The following PTCD2 variants were observed in gnomAD, a reference collection of about 807,000 sequenced individuals.
PTCD2 encodes the protein pentatricopeptide repeat domain 2.
In PTCD2, 31 loss-of-function variants were observed where a neutral mutation model predicts 42.6. That is an observed-to-expected ratio of 0.73 (90% CI 0.55 to 0.98). The LOEUF (loss-of-function observed/expected upper bound fraction) is 0.98, where lower values mean the gene tolerates loss of function less well. Among genes scored for constraint, PTCD2 ranks in the 50% least tolerant of loss-of-function variants. The pLI, the probability that PTCD2 is intolerant of heterozygous loss-of-function variation, is 0.00. For synonymous variants in PTCD2, 183 were observed against 170.9 expected, an observed-to-expected ratio of 1.07 and a Z score of -0.55; for missense variants, 476 against 454.8, an observed-to-expected ratio of 1.05 and a Z score of -0.42.
At chr5:72,323,139 G>T (rs1362315182) in intron 2 of PTCD2, among the ~76,000 whole-genome samples, 2 of 152,030 alleles carry the variant, frequency 1.3e-5, no homozygotes, top group East Asian at 3.8e-4. Flanking sequence ...AACAGAGTGA[G>T]ACCCTGTCTC....
rs16877660 is a variant in PTCD2 at position 72,332,361 on chromosome 5, T to A, written c.468+986T>A. On this transcript the variant is annotated intron_variant, in intron 4 of 9. Coordinates refer to ENST00000380639, the MANE Select transcript of PTCD2 (RefSeq NM_024754.5). The stretch of plus-strand genomic sequence containing the variant: ...TTTCGGAACAGTACAGATAGTTTGA[T>A]CCTGTTTTTTTTTGTTCCATAAGAA... Among the ~76,000 whole-genome samples the A allele has an allele frequency of 2.6e-4, 39 of 152,302 alleles. 1 individual carries two copies. The East Asian group carries it at 6.9e-3, about 27-fold the overall frequency.
In PTCD2 at chr5:72,364,235, G is replaced by A. The variant is rs1277230260; in HGVS notation, c.*5808G>A. 8 of 152,234 alleles carry A rather than the reference G, an allele frequency of 5.3e-5. No individual in the cohort carries two copies. Among genetic ancestry groups the A allele is most frequent in the Admixed American group, 4.6e-4 (7 of 15,284 alleles). 9.4% of individuals were successfully genotyped at this position (152,234 alleles called of 1,614,324 possible). A position where few individuals can be genotyped will look rare whatever the true frequency, so the allele number is the denominator to read the frequency against. ...ATTCAATAACATGGAGTCAAAACAAGAAGATTTTTTAAATGTCCTCTGTTC... is the reference window on the plus strand; with the variant it reads ...ATTCAATAACATGGAGTCAAAACAAAAAGATTTTTTAAATGTCCTCTGTTC... On this transcript the variant is annotated 3_prime_UTR_variant, in exon 10 of 10. Transcript: ENST00000380639.
In PTCD2 at chr5:72,364,098, T is replaced by C. The variant is rs958418312; in HGVS notation, c.*5671T>C. The C allele has an allele frequency of 1.3e-5, 2 of 152,266 alleles. No homozygotes were observed. The highest frequency in any genetic ancestry group is 4.8e-5 in the African/African-American group (2 of 41,472). 9.4% of individuals were successfully genotyped at this position (152,266 alleles called of 1,614,324 possible). On this transcript the variant is annotated 3_prime_UTR_variant, in exon 10 of 10. Transcript: ENST00000380639. ...ATTTTTTAAAAGGAAGTGGTTCAAC[T>C]GTATTGCATAGAAAATGAATCAAGG...
rs1419662732 is a variant in PTCD2, at chr5:72,363,132, G to T, written c.*4705G>T. On this transcript the variant is annotated 3_prime_UTR_variant, in exon 10 of 10. Coordinates refer to ENST00000380639, the MANE Select transcript of PTCD2 (RefSeq NM_024754.5). ...TATACTGAAAACAGGAGTCATGGGA[G>T]ACTTGATCTTGCTTAAAGGATATTT... 6.6e-6 allele frequency: 1 copy of T among 152,234 alleles called. No homozygotes were observed. Among genetic ancestry groups the T allele is most frequent in the African/African-American group, 2.4e-5 (1 of 41,460 alleles). 9.4% of individuals were successfully genotyped at this position (152,234 alleles called of 1,614,324 possible).
rs1300324728 is a variant in PTCD2, at chr5:72,366,576, AC to A, written c.*8150del. The A allele has an allele frequency of 2.6e-5, 4 of 152,228 alleles. No homozygotes were observed. Among genetic ancestry groups the A allele is most frequent in the African/African-American group, 9.7e-5 (4 of 41,448 alleles). 9.4% of individuals were successfully genotyped at this position (152,228 alleles called of 1,614,324 possible). A position where few individuals can be genotyped will look rare whatever the true frequency, so the allele number is the denominator to read the frequency against. On this transcript the variant is annotated 3_prime_UTR_variant, in exon 10 of 10. Transcript: ENST00000380639. Reference sequence around the variant, plus strand: ...TAGACGGCAGAGGGCGTCCAGAGTCACTATTTTTAAAAGGTGCTAGTTTTCA... The same window carrying A: ...TAGACGGCAGAGGGCGTCCAGAGTCATATTTTTAAAAGGTGCTAGTTTTCA...
chr5:72,334,947 GA>G (rs1349354412), intron 4 of PTCD2, 70 bp from the exon 5 acceptor site: 1 of 890,684 alleles, frequency 1.1e-6, no homozygotes, highest in African/African-American at 1.7e-5. Context: ...GGCTAGATAA[GA>G]GACAGTAAAA....
At chr5:72,334,448 G>A (rs946760013) in intron 4 of PTCD2, among the ~76,000 whole-genome samples, 28 of 152,148 alleles carry the variant, frequency 1.8e-4, no homozygotes, top group Admixed American at 5.9e-4. Context: ...ACAAATGACG[G>A]TTCCTTAAAG....
At chr5:72,351,196 C>G (rs913445165) in intron 8 of PTCD2, among the ~76,000 whole-genome samples, 1 of 152,120 alleles carries the variant, frequency 6.6e-6, no homozygotes, top group Non-Finnish European at 1.5e-5. Flanking sequence ...TAAACTTCTT[C>G]TTGAATTATA....
intron 9 of PTCD2, among the ~76,000 whole-genome samples, chr5:72,353,237 A>C (rs1355421467): frequency 1.3e-5 from 2 of 152,196 alleles, no homozygotes; most frequent in African/African-American, 4.8e-5. Flanking sequence ...TCAGTCATGC[A>C]CTGGATCCCA....
chr5:72,336,594 C>G lies in PTCD2; in HGVS notation c.639+709C>G, dbSNP rs1404857143. Among the ~76,000 whole-genome samples, 8 of 151,746 alleles carry G rather than the reference C, an allele frequency of 5.3e-5. No individual in the cohort carries two copies. The East Asian group carries it at 1.6e-3, about 29-fold the overall frequency. On this transcript the variant is annotated intron_variant, in intron 6 of 9. Coordinates refer to ENST00000380639, the MANE Select transcript of PTCD2 (RefSeq NM_024754.5). Reference sequence around the variant, plus strand: ...GCGTGGTGGCATGCACCTTGTAATCCCAGCTACTCTGGAGGCTGAGGCAGG... The same window carrying G: ...GCGTGGTGGCATGCACCTTGTAATCGCAGCTACTCTGGAGGCTGAGGCAGG...
At chr5:72,341,566 C>T (rs896876948) in intron 7 of PTCD2, among the ~76,000 whole-genome samples, 1 of 151,670 alleles carries the variant, frequency 6.6e-6, no homozygotes, top group Admixed American at 6.6e-5. Context: ...GACCCTGTCT[C>T]TACAAAAAAT....
intron 2 of PTCD2, among the ~76,000 whole-genome samples, chr5:72,324,513 C>T (rs1409854992): frequency 6.6e-6 from 1 of 152,138 alleles, no homozygotes; most frequent in Non-Finnish European, 1.5e-5. Context: ...CCTAGAATAT[C>T]CCCCTCCTCC....
At position 72,320,532 on chromosome 5, in the gene PTCD2, G is replaced by GA. The variant is rs1436338024; in HGVS notation, c.127+25dup. The GA allele has an allele frequency of 1.9e-6, 3 of 1,612,956 alleles. No individual in the cohort carries two copies. The Admixed American group carries it at 5.0e-5, about 27-fold the overall frequency. ...GAGGTATCCGCGGCTTTAGCCTAGG[G>GA]AAGGAGGGGAGGGATGGGAGAGAAG... On this transcript the variant is annotated intron_variant, in intron 1 of 9. Transcript: ENST00000380639.
rs1315115938 is a variant in PTCD2 at position 72,367,348 on chromosome 5, C to G, written c.*8921C>G. The G allele has an allele frequency of 6.6e-6, 1 of 152,188 alleles. No homozygotes were observed. The highest frequency in any genetic ancestry group is 1.5e-5 in the Non-Finnish European group (1 of 68,044). 9.4% of individuals were successfully genotyped at this position (152,188 alleles called of 1,614,324 possible). ...TCAGGAGGAAGAAAGGACAGATGCC[C>G]TTGTTCAAGATGACTTCTTCATGGG... On this transcript the variant is annotated 3_prime_UTR_variant, in exon 10 of 10. Transcript: ENST00000380639.
intron 6 of PTCD2, among the ~76,000 whole-genome samples, chr5:72,336,710 CAA>C (rs57573366): frequency 1.7e-3 from 145 of 86,550 alleles, no homozygotes; most frequent in South Asian, 1.6e-3. Flanking sequence ...GACTCTGTCT[CAA>C]AAAAAAAAAA....
rs1010668960 is a variant in PTCD2, at chr5:72,366,401, A to G, written c.*7974A>G. Reference sequence around the variant, plus strand: ...ACACTAGAGAGCGGGAGAGCACAGTATTTGAACCCAGGAGGTCTGATGCTG... The same window carrying G: ...ACACTAGAGAGCGGGAGAGCACAGTGTTTGAACCCAGGAGGTCTGATGCTG... On this transcript the variant is annotated 3_prime_UTR_variant, in exon 10 of 10. Coordinates refer to ENST00000380639, the MANE Select transcript of PTCD2 (RefSeq NM_024754.5). The G allele has an allele frequency of 6.6e-6, 1 of 152,138 alleles. No homozygotes were observed. The highest frequency in any genetic ancestry group is 1.5e-5 in the Non-Finnish European group (1 of 68,030). The allele number at this position is 152,138 out of a possible 1,614,324, so 9.4% of individuals were successfully genotyped here.
chr5:72,323,681 G>A (rs758703150), intron 2 of PTCD2, among the ~76,000 whole-genome samples: 9 of 152,022 alleles, frequency 5.9e-5, no homozygotes, highest in Non-Finnish European at 1.2e-4. Flanking sequence ...AGACAGTCTC[G>A]CTCTGTCACC....
Position 72,362,706 on chromosome 5 carries a change from TATCTATTTTGAGA to T in PTCD2, c.*4285_*4297del, listed in dbSNP as rs1260930821. ...TCAAGGATTCTCCATTAATTCACCA[TATCTATTTTGAGA>T]ATCTACAAAGGACAAGGCACTACGA... is the stretch of plus-strand genomic sequence containing the variant. On this transcript the variant is annotated 3_prime_UTR_variant, in exon 10 of 10. Transcript: ENST00000380639. 5 of 152,222 alleles carry T rather than the reference TATCTATTTTGAGA, an allele frequency of 3.3e-5. No individual in the cohort carries two copies. Among genetic ancestry groups the T allele is most frequent in the African/African-American group, 1.2e-4 (5 of 41,462 alleles). 9.4% of individuals were successfully genotyped at this position (152,222 alleles called of 1,614,324 possible). A position where few individuals can be genotyped will look rare whatever the true frequency, so the allele number is the denominator to read the frequency against.
At chr5:72,350,429 T>C (rs1405058547) in intron 8 of PTCD2, among the ~76,000 whole-genome samples, 2 of 152,214 alleles carry the variant, frequency 1.3e-5, no homozygotes, top group African/African-American at 2.4e-5. Flanking sequence ...AGAGGAACCC[T>C]AAGCTTAGGA....
Sources: gnomAD v4.1 joint callset for allele counts (sites outside exome capture counted in the v4.1 genomes callset) on GRCh38, gnomAD v4.1.1 for gene constraint, MANE v1.5 for transcripts, NCBI Gene and HGNC (gene_info 2026-07-23, HGNC 2026-07-21) for gene names.